MIB1: variants seen among roughly 807,000 people sequenced by gnomAD.
The protein encoded by MIB1 is MIB E3 ubiquitin protein ligase 1.
MIB1 carries 278 observed loss-of-function variants against 124.5 expected under a neutral mutation model. The ratio of observed to expected loss-of-function variants is 2.23; its 90% CI spans 2.02 to 2.47. The LOEUF is 2.47. Among genes scored for constraint, MIB1 ranks in the 30% most tolerant of loss-of-function variants. The probability of loss-of-function intolerance (pLI) is 0.00; values close to 1 mark genes in which losing one functional copy is unlikely to be tolerated. For synonymous variants in MIB1, 446 were observed against 429.4 expected (o/e 1.04, Z -0.48); for missense variants, 957 against 1,254.4 (o/e 0.76, Z 3.58).
intron 1 of MIB1, among the ~76,000 whole-genome samples, chr18:21,709,517 T>C (rs2040656660): frequency 6.6e-6 from 1 of 152,152 alleles, no homozygotes; most frequent in South Asian, 2.1e-4. Context: ...TATCCCTGCT[T>C]CTTAATTTCA....
chr18:21,768,029 T>G (rs531010180), intron 2 of MIB1, among the ~76,000 whole-genome samples: 1 of 152,188 alleles, frequency 6.6e-6, no homozygotes, highest in Non-Finnish European at 1.5e-5. Context: ...CCTTTTAGAC[T>G]GATGATGCTT....
chr18:21,857,083 T>C lies in MIB1; in HGVS notation c.2666-47T>C, dbSNP rs1234792402. The C allele has an allele frequency of 2.4e-6, 3 of 1,265,388 alleles. No individual in the cohort carries two copies. In the Admixed American group the frequency reaches 5.1e-5, roughly 22 times the overall value. 78.4% of individuals were successfully genotyped at this position (1,265,388 alleles called of 1,614,324 possible). A position where few individuals can be genotyped will look rare whatever the true frequency, so the allele number is the denominator to read the frequency against. On this transcript the variant is annotated intron_variant, in intron 18 of 20. Coordinates refer to ENST00000261537, the MANE Select transcript of MIB1 (RefSeq NM_020774.4). ...AATTAGCAGAGAAAGGCAACACTCC[T>C]ATTAATGTTCTCTCTTGTAAGAAGT...
intron 2 of MIB1, among the ~76,000 whole-genome samples, chr18:21,766,507 G>A (rs2041160940): frequency 6.6e-6 from 1 of 152,196 alleles, no homozygotes; most frequent in Non-Finnish European, 1.5e-5. Context: ...CATTGTTAAT[G>A]GGGGCGGAGT....
chr18:21,848,806 A>G (rs2146510809), intron 16 of MIB1, among the ~76,000 whole-genome samples: 1 of 152,354 alleles, frequency 6.6e-6, no homozygotes, highest in South Asian at 2.1e-4. Context: ...TAGTAAGGCA[A>G]CTAACATGGG....
chr18:21,764,648 C>T (rs907846366), intron 1 of MIB1, among the ~76,000 whole-genome samples: 2 of 151,994 alleles, frequency 1.3e-5, no homozygotes, highest in African/African-American at 4.8e-5. Context: ...CCCATGTACC[C>T]ATTACCCAAC....
At chr18:21,805,649 A>C (rs72886668) in intron 10 of MIB1, among the ~76,000 whole-genome samples, 1 of 152,160 alleles carries the variant, frequency 6.6e-6, no homozygotes, top group African/African-American at 2.4e-5. Context: ...CAACTACTGA[A>C]AAACCAAAGT....
chr18:21,772,199 A>AT (rs1420840618), intron 3 of MIB1, among the ~76,000 whole-genome samples: 1 of 152,222 alleles, frequency 6.6e-6, no homozygotes, highest in Non-Finnish European at 1.5e-5. Context: ...TGGTCATTAT[A>AT]TATCTTATTT....
intron 1 of MIB1, chr18:21,711,882 CG>C (rs1446060663): frequency 6.6e-6 from 1 of 151,390 alleles, no homozygotes; most frequent in East Asian, 2.0e-4. Flanking sequence ...TTTATAGAGA[CG>C]GGGTCTTTCT....
At chr18:21,755,882 A>G (rs1474164400) in intron 1 of MIB1, among the ~76,000 whole-genome samples, 1 of 152,188 alleles carries the variant, frequency 6.6e-6, no homozygotes, top group Admixed American at 6.5e-5. Flanking sequence ...GAGTGGATTT[A>G]TTGTCTTGAT....
chr18:21,744,477 A>G (rs1420599423), intron 1 of MIB1, among the ~76,000 whole-genome samples: 2 of 152,144 alleles, frequency 1.3e-5, no homozygotes, highest in Admixed American at 6.6e-5. Context: ...TAACTAATCT[A>G]TACACCTTAT....
chr18:21,794,442 CCTCTCT>C (rs147293733), intron 7 of MIB1, among the ~76,000 whole-genome samples: 87 of 144,950 alleles, frequency 6.0e-4, no homozygotes, highest in African/African-American at 1.5e-3. Flanking sequence ...CATTAAATAG[CCTCTCT>C]CTCTCTCTCT....
chr18:21,732,202 C>A (rs946000730), intron 1 of MIB1, among the ~76,000 whole-genome samples: 5 of 151,734 alleles, frequency 3.3e-5, no homozygotes, highest in African/African-American at 1.2e-4. Context: ...GTGGTATGTG[C>A]CTGTTATCCC....
intron 14 of MIB1, 124 bp from the exon 15 acceptor site, chr18:21,843,968 A>C (rs1568224411): frequency 2.2e-6 from 2 of 894,394 alleles, no homozygotes; most frequent in Non-Finnish European, 3.4e-6. Flanking sequence ...AAAAGCATAA[A>C]AATGATTAGC....
chr18:21,773,863 A>G (rs1050031422), intron 4 of MIB1, 135 bp downstream of exon 4: 8 of 550,472 alleles, frequency 1.5e-5, no homozygotes, highest in Non-Finnish European at 2.2e-5. Context: ...TCTCTAAACT[A>G]TTTAATAGTA....
chr18:21,847,689 A>G (rs989862113), intron 16 of MIB1, among the ~76,000 whole-genome samples: 1 of 152,044 alleles, frequency 6.6e-6, no homozygotes, highest in African/African-American at 2.4e-5. Flanking sequence ...TGAACAGGGT[A>G]TATCTCACAC....
intron 1 of MIB1, among the ~76,000 whole-genome samples, chr18:21,710,877 A>G (rs1428076466): frequency 7.5e-6 from 1 of 132,464 alleles, no homozygotes; most frequent in Non-Finnish European, 1.5e-5. Flanking sequence ...GCCAGGCTGG[A>G]GTGCAGTGGC....
At chr18:21,815,946 T>A (rs1166166545) in intron 11 of MIB1, 133 bp downstream of exon 11, 3 of 801,020 alleles carry the variant, frequency 3.7e-6, no homozygotes, top group Non-Finnish European at 5.7e-6. Flanking sequence ...AGGCGTAAGA[T>A]GTTACAAAAT....
At chr18:21,818,861 G>A (rs545342087) in intron 11 of MIB1, among the ~76,000 whole-genome samples, 1 of 152,254 alleles carries the variant, frequency 6.6e-6, no homozygotes, top group Admixed American at 6.5e-5. Context: ...CTTGAAACCG[G>A]AAAGTGGAGG....
At chr18:21,724,684 G>A (rs2040729553) in intron 1 of MIB1, among the ~76,000 whole-genome samples, 2 of 117,246 alleles carry the variant, frequency 1.7e-5, no homozygotes, top group East Asian at 4.9e-4. Context: ...CTGCCTGGGC[G>A]ACAGAGCAAA....
Sources: allele counts gnomAD v4.1 joint callset (sites outside exome capture counted in the v4.1 genomes callset), GRCh38; gene constraint gnomAD v4.1.1; transcripts MANE v1.5; gene names NCBI Gene and HGNC (gene_info 2026-07-23, HGNC 2026-07-21).